Variants in CGNL1 observed in about 807,000 individuals in gnomAD.
CGNL1 encodes the protein cingulin-like protein 1.
CGNL1 carries 132 observed loss-of-function variants against 141.2 expected under a neutral mutation model. The ratio of observed to expected loss-of-function variants is 0.93; its 90% CI spans 0.81 to 1.08. The LOEUF is 1.08. Among genes scored for constraint, CGNL1 ranks in the 50% least tolerant of loss-of-function variants. CGNL1 has a pLI of 0.00. For missense variants in CGNL1, 1,870 were observed against 1,588.6 expected (o/e 1.18, Z -3.01); for synonymous variants, 690 against 622.1 (o/e 1.11, Z -1.63).
intron 7 of CGNL1, among the ~76,000 whole-genome samples, chr15:57,459,012 G>C (rs968498172): frequency 6.6e-6 from 1 of 152,178 alleles, no homozygotes. Flanking sequence ...AAATGAAAGA[G>C]ATCTCGTTGT....
intron 1 of CGNL1, among the ~76,000 whole-genome samples, chr15:57,421,467 C>T (rs1383241946): frequency 4.6e-5 from 7 of 152,068 alleles, no homozygotes; most frequent in African/African-American, 1.4e-4. Context: ...CTTAGGAGAT[C>T]TGTTCAGGTA....
At chr15:57,536,563 C>T (rs1181541354) in intron 14 of CGNL1, among the ~76,000 whole-genome samples, 2 of 152,132 alleles carry the variant, frequency 1.3e-5, no homozygotes, top group African/African-American at 2.4e-5. Context: ...AGTATAGTCC[C>T]ATCATATACA....
rs1299847207 is a variant in CGNL1, at chr15:57,523,589, T to G, written c.2816T>G (p.Met939Arg). The G allele has an allele frequency of 2.4e-5, 38 of 1,613,820 alleles. No homozygotes were observed. Among genetic ancestry groups the G allele is most frequent in the Non-Finnish European group, 3.1e-5 (36 of 1,179,978 alleles). ...CAGCTAAGAAGGTTGAAGAACGAGA[T>G]GGAGAATGAGCGGTGGCACCTGGGC... ...KEQLRRLKNE[M>R]ENERWHLGKT... The change falls in exon 11 of 19, where the codon ATG becomes AGG. Residue 939 changes from methionine (M) to arginine (R), a missense_variant. Met to Arg is a moderately conservative substitution (Grantham distance 91, BLOSUM62 -1). Transcript: ENST00000281282.
intron 1 of CGNL1, among the ~76,000 whole-genome samples, chr15:57,383,485 A>T (rs181279649): frequency 4.6e-5 from 7 of 151,916 alleles, no homozygotes; most frequent in Admixed American, 3.9e-4. Context: ...TTTTTAGTAG[A>T]GATGGGGTTT....
intron 8 of CGNL1, among the ~76,000 whole-genome samples, chr15:57,465,006 C>T (rs1476510267): frequency 6.6e-6 from 1 of 152,142 alleles, no homozygotes; most frequent in South Asian, 2.1e-4. Flanking sequence ...CCCACCTCGG[C>T]CTCCCAAAGT....
rs1185129433 is a variant in CGNL1 at position 57,548,578 on chromosome 15, T to G, written c.*1088T>G. ...TGTTTGCTTAGTTTATCTGGAATTC[T>G]GTTATAATTTCTGAACTGTTCTGAG... is the stretch of plus-strand genomic sequence containing the variant. On this transcript the variant is annotated 3_prime_UTR_variant, in exon 19 of 19. Coordinates refer to ENST00000281282, the MANE Select transcript of CGNL1 (RefSeq NM_032866.5). 1.3e-5 allele frequency: 2 copies of G among 152,236 alleles called. No individual in the cohort carries two copies. Among genetic ancestry groups the G allele is most frequent in the African/African-American group, 4.8e-5 (2 of 41,456 alleles). 9.4% of individuals were successfully genotyped at this position (152,236 alleles called of 1,614,324 possible).
intron 6 of CGNL1, among the ~76,000 whole-genome samples, 179 bp downstream of exon 6, chr15:57,452,468 A>G (rs2063333506): frequency 6.6e-6 from 1 of 152,194 alleles, no homozygotes; most frequent in Non-Finnish European, 1.5e-5. Flanking sequence ...TAGACTGATA[A>G]ACAAAAAGGT....
chr15:57,421,456 G>T (rs1308060751), intron 1 of CGNL1, among the ~76,000 whole-genome samples: 7 of 152,048 alleles, frequency 4.6e-5, no homozygotes, highest in Admixed American at 4.6e-4. Flanking sequence ...GAGATCCTGG[G>T]CTTAGGAGAT....
At chr15:57,409,274 TA>T (rs1211824149) in intron 1 of CGNL1, among the ~76,000 whole-genome samples, 16 of 152,094 alleles carry the variant, frequency 1.1e-4, no homozygotes, top group African/African-American at 3.9e-4. Flanking sequence ...GACGTGTGAG[TA>T]GGTGCAGAGC....
intron 8 of CGNL1, among the ~76,000 whole-genome samples, chr15:57,469,732 A>C (rs2063556117): frequency 6.6e-6 from 1 of 152,102 alleles, no homozygotes; most frequent in Admixed American, 6.5e-5. Context: ...ACCACCCTCC[A>C]ATTTTGGCTG....
At chr15:57,495,794 A>G (rs1280370) in intron 8 of CGNL1, among the ~76,000 whole-genome samples, 49,300 of 152,122 alleles carry the variant, frequency 0.32, 8,615 homozygotes, top group Non-Finnish European at 0.39. Context: ...ATAGACTTTA[A>G]TAAAGCATTA....
chr15:57,404,114 G>C (rs2062689133), intron 1 of CGNL1, among the ~76,000 whole-genome samples: 1 of 152,212 alleles, frequency 6.6e-6, no homozygotes. Context: ...CTTTCTCAAG[G>C]CTGCCTGTGT....
At chr15:57,525,182 A>G (rs1434993589) in intron 12 of CGNL1, among the ~76,000 whole-genome samples, 1 of 152,256 alleles carries the variant, frequency 6.6e-6, no homozygotes, top group African/African-American at 2.4e-5. Flanking sequence ...GGTGGCGGAC[A>G]AGAGTTTCAC....
At chr15:57,460,863 G>C (rs2063436865) in intron 7 of CGNL1, among the ~76,000 whole-genome samples, 1 of 152,180 alleles carries the variant, frequency 6.6e-6, no homozygotes, top group African/African-American at 2.4e-5. Context: ...AGGCTGGCAG[G>C]GGACAGTGCG....
intron 1 of CGNL1, among the ~76,000 whole-genome samples, chr15:57,397,308 C>G (rs149698436): frequency 7.2e-5 from 11 of 152,154 alleles, no homozygotes; most frequent in Admixed American, 1.3e-4. Context: ...CAAAACGGTT[C>G]TCCTTCATCA....
intron 1 of CGNL1, among the ~76,000 whole-genome samples, chr15:57,415,738 T>C (rs983797780): frequency 6.6e-6 from 1 of 152,234 alleles, no homozygotes; most frequent in Non-Finnish European, 1.5e-5. Context: ...GGGCCCAACG[T>C]AGAGCATGTT....
In CGNL1 at chr15:57,547,895, A is replaced by G. The variant is rs2032951575; in HGVS notation, c.*405A>G. 6.1e-6 allele frequency: 1 copy of G among 164,256 alleles called. No individual in the cohort carries two copies. Among genetic ancestry groups the G allele is most frequent in the African/African-American group, 2.4e-5 (1 of 41,854 alleles). The allele number at this position is 164,256 out of a possible 1,614,324, so 10.2% of individuals were successfully genotyped here. ...GGAGGAAACCATGTATAGCTTGTACATATTTTAAACCAGACCTTCTCACGA... is the reference window on the plus strand; with the variant it reads ...GGAGGAAACCATGTATAGCTTGTACGTATTTTAAACCAGACCTTCTCACGA... On this transcript the variant is annotated 3_prime_UTR_variant, in exon 19 of 19. Coordinates refer to ENST00000281282, the MANE Select transcript of CGNL1 (RefSeq NM_032866.5).
At position 57,539,032 on chromosome 15, in the gene CGNL1, G is replaced by A. The variant is rs1306683791; in HGVS notation, c.3292-4664G>A. 4.6e-5 allele frequency among the ~76,000 whole-genome samples: 7 copies of A among 152,076 alleles called. No individual in the cohort carries two copies. In the East Asian group the frequency reaches 5.8e-4, roughly 13 times the overall value. Reference sequence around the variant, plus strand: ...ATAACATCTGCCTCGGAGAGTTCCCGCCCAGCGCCCAGCTTGAGGGGCTCT... The same window carrying A: ...ATAACATCTGCCTCGGAGAGTTCCCACCCAGCGCCCAGCTTGAGGGGCTCT... On this transcript the variant is annotated intron_variant, in intron 14 of 18. Transcript: ENST00000281282.
intron 14 of CGNL1, among the ~76,000 whole-genome samples, chr15:57,541,749 T>C (rs2032576608): frequency 6.6e-6 from 1 of 152,234 alleles, no homozygotes; most frequent in South Asian, 2.1e-4. Context: ...GTGCAGGGGC[T>C]CAGCCTGTCT....
Sources: gnomAD v4.1 joint callset for allele counts (sites outside exome capture counted in the v4.1 genomes callset) on GRCh38, gnomAD v4.1.1 for gene constraint, MANE v1.5 for transcripts, NCBI Gene and HGNC (gene_info 2026-07-23, HGNC 2026-07-21) for gene names.